Variants in SEC14L5 observed in about 807,000 individuals in gnomAD.
The protein encoded by SEC14L5 is SEC14-like protein 5.
SEC14L5 carries 96 observed loss-of-function variants against 84.6 expected under a neutral mutation model. The ratio of observed to expected loss-of-function variants is 1.13; its 90% CI spans 0.96 to 1.34. SEC14L5 has a LOEUF of 1.34. Among genes scored for constraint, SEC14L5 ranks in the 40% most tolerant of loss-of-function variants. SEC14L5 has a pLI of 0.00. For missense variants in SEC14L5, 1,224 were observed against 942.5 expected (o/e 1.30, Z -3.91); for synonymous variants, 546 against 383.4 (o/e 1.42, Z -4.95).
intron 4 of SEC14L5, 51 bp downstream of exon 4, chr16:4,988,331 G>T: frequency 6.3e-7 from 1 of 1,594,056 alleles, no homozygotes; most frequent in Non-Finnish European, 8.5e-7. Flanking sequence ...CCTGCGCCCG[G>T]CACCCACCTG....
In SEC14L5 at chr16:5,017,295, C is replaced by G. The variant is rs867051520; in HGVS notation, c.*2325C>G. On this transcript the variant is annotated 3_prime_UTR_variant, in exon 16 of 16. Transcript: ENST00000251170. ...GCTCTCTCCCTAGGGAAAACCAGCC[C>G]AAACTGGCTTAAGCAACAAAGCAAA... is the stretch of plus-strand genomic sequence containing the variant. The G allele has an allele frequency of 6.6e-6, 1 of 152,300 alleles. No homozygotes were observed. The highest frequency in any genetic ancestry group is 6.5e-5 in the Admixed American group (1 of 15,284). The allele number at this position is 152,300 out of a possible 1,614,324, so 9.4% of individuals were successfully genotyped here. A position where few individuals can be genotyped will look rare whatever the true frequency, so the allele number is the denominator to read the frequency against.
At chr16:5,010,381 C>G (rs1408734465) in intron 14 of SEC14L5, among the ~76,000 whole-genome samples, 1 of 151,676 alleles carries the variant, frequency 6.6e-6, no homozygotes, top group African/African-American at 2.4e-5. Flanking sequence ...AAAAACAAAA[C>G]TGTAGTCTTG....
intron 11 of SEC14L5, among the ~76,000 whole-genome samples, chr16:5,004,767 CCTT>C (rs1406320534): frequency 2.6e-5 from 4 of 152,214 alleles, no homozygotes; most frequent in Non-Finnish European, 5.9e-5. Flanking sequence ...AGGGCTCCTT[CCTT>C]CTTTCTCTCT....
chr16:4,991,790 C>A, intron 5 of SEC14L5, 48 bp from the exon 6 acceptor site: 2 of 1,373,182 alleles, frequency 1.5e-6, no homozygotes, highest in Non-Finnish European at 2.0e-6. Flanking sequence ...TGTGACCCCC[C>A]TCCATCCTGC....
In SEC14L5 at chr16:5,000,147, C is replaced by T. The variant is rs1051785244; in HGVS notation, c.971-508C>T. On this transcript the variant is annotated intron_variant, in intron 8 of 15. Transcript: ENST00000251170. ...TTCTACTAAAAATACGAAAATTAGC[C>T]GGGTGCGGTGGTGGGCGCCTGTAAT... Among the ~76,000 whole-genome samples, 177 of 151,856 alleles carry T rather than the reference C, an allele frequency of 1.2e-3. 4 individuals carry two copies. Among genetic ancestry groups the T allele is most frequent in the Admixed American group, 9.8e-3 (149 of 15,258 alleles).
chr16:4,968,095 T>G (rs1955229058), intron 2 of SEC14L5, among the ~76,000 whole-genome samples: 1 of 151,022 alleles, frequency 6.6e-6, no homozygotes. Context: ...CATGGCTCAC[T>G]GCAGCCTTGA....
chr16:4,986,374 A>T (rs534111001), intron 2 of SEC14L5, among the ~76,000 whole-genome samples: 4 of 152,180 alleles, frequency 2.6e-5, no homozygotes, highest in Non-Finnish European at 5.9e-5. Context: ...TCCTGATCTC[A>T]GGTGATCCAC....
Position 5,000,668 on chromosome 16 carries a change from C to T in SEC14L5, c.984C>T (p.Leu328=). Reference sequence around the variant, plus strand: ...CCATCCACAAAGATGGCCGCCCCCTCTACATCCTCCGCCTGGGCCAGATGG... The same window carrying T: ...CCATCCACAAAGATGGCCGCCCCCTTTACATCCTCCGCCTGGGCCAGATGG... ...WHYQDIDGRP[L]YILRLGQMDT... The change falls in exon 9 of 16, where the codon CTC becomes CTT. Residue 328 remains leucine (L), a synonymous_variant. Transcript: ENST00000251170. 1 of 1,551,638 alleles carries T rather than the reference C, an allele frequency of 6.4e-7. No individual in the cohort carries two copies. Among genetic ancestry groups the T allele is most frequent in the Non-Finnish European group, 8.7e-7 (1 of 1,147,172 alleles).
chr16:4,971,489 A>T (rs1955279365), intron 2 of SEC14L5, among the ~76,000 whole-genome samples: 1 of 152,154 alleles, frequency 6.6e-6, no homozygotes, highest in Non-Finnish European at 1.5e-5. Context: ...ACAACAACCA[A>T]AAAAACTGGC....
At chr16:5,007,617 T>G in intron 13 of SEC14L5, 131 bp downstream of exon 13, 3 of 880,848 alleles carry the variant, frequency 3.4e-6, no homozygotes, top group Non-Finnish European at 3.3e-6. Flanking sequence ...TTTTTTTTTT[T>G]TTTTTTGGGA....
intron 2 of SEC14L5, among the ~76,000 whole-genome samples, chr16:4,976,562 T>C (rs1250623571): frequency 6.6e-6 from 1 of 152,204 alleles, no homozygotes; most frequent in African/African-American, 2.4e-5. Flanking sequence ...CAGCCTGGAA[T>C]TGGGCAAGTC....
intron 2 of SEC14L5, among the ~76,000 whole-genome samples, chr16:4,983,614 C>T (rs1258413161): frequency 2.0e-5 from 3 of 151,282 alleles, no homozygotes; most frequent in Admixed American, 1.3e-4. Flanking sequence ...CGGTGGCTCA[C>T]GCTTGTAATC....
intron 2 of SEC14L5, among the ~76,000 whole-genome samples, chr16:4,984,932 C>G (rs1370508502): frequency 6.6e-6 from 1 of 152,160 alleles, no homozygotes; most frequent in Non-Finnish European, 1.5e-5. Context: ...ATTCTAGATG[C>G]AAATCCCCCA....
At chr16:4,986,066 G>A (rs906270461) in intron 2 of SEC14L5, among the ~76,000 whole-genome samples, 4 of 151,512 alleles carry the variant, frequency 2.6e-5, no homozygotes, top group Non-Finnish European at 5.9e-5. Context: ...ACCGTATTAC[G>A]TTCATATGAC....
chr16:5,008,412 T>C lies in SEC14L5; in HGVS notation c.1573-9T>C, dbSNP rs1955758115. ...CCGTGACTCTCAGACCTCGCCTGTC[T>C]CCACACAGGTGGCCGTGGAGATCCT... On this transcript the variant is annotated splice_polypyrimidine_tract_variant and intron_variant, in intron 13 of 15. Transcript: ENST00000251170. The C allele has an allele frequency of 6.2e-7, 1 of 1,604,456 alleles. No homozygotes were observed. The highest frequency in any genetic ancestry group is 1.7e-5 in the Admixed American group (1 of 58,648).
intron 2 of SEC14L5, among the ~76,000 whole-genome samples, chr16:4,983,625 C>T (rs1955452394): frequency 6.6e-6 from 1 of 150,956 alleles, no homozygotes; most frequent in Non-Finnish European, 1.5e-5. Context: ...GCTTGTAATC[C>T]CAGCACTTTG....
Position 4,959,343 on chromosome 16 carries a change from C to T in SEC14L5, c.20C>T (p.Ser7Phe). 6.2e-7 allele frequency: 1 copy of T among 1,613,854 alleles called. No homozygotes were observed. Among genetic ancestry groups the T allele is most frequent in the Admixed American group, 1.7e-5 (1 of 60,004 alleles). Residue 7 changes from serine (S) to phenylalanine (F), a missense_variant, in exon 2 of 16, where the codon TCT (serine) becomes TTT (phenylalanine). Coordinates refer to ENST00000251170, the MANE Select transcript of SEC14L5 (RefSeq NM_014692.2). Reference protein sequence around the residue: MVQRYQSPVRVYKYPFE... With the variant: MVQRYQFPVRVYKYPFE... ...GTGAACATGGTGCAAAGATACCAGT[C>T]TCCTGTCCGAGTCTACAAGTACCCG...
At chr16:4,998,547 G>A (rs1358062246) in intron 8 of SEC14L5, among the ~76,000 whole-genome samples, 1 of 148,754 alleles carries the variant, frequency 6.7e-6, no homozygotes, top group African/African-American at 2.5e-5. Context: ...GACCATCCCG[G>A]CTAAAACGGT....
chr16:5,008,708 C>CTG, intron 14 of SEC14L5, 60 bp downstream of exon 14: 1 of 1,451,508 alleles, frequency 6.9e-7, no homozygotes, highest in Non-Finnish European at 9.5e-7. Context: ...CCACTGCGTG[C>CTG]CAGGCTTCTG....
Sources: allele counts gnomAD v4.1 joint callset (sites outside exome capture counted in the v4.1 genomes callset), GRCh38; gene constraint gnomAD v4.1.1; transcripts MANE v1.5; gene names NCBI Gene and HGNC (gene_info 2026-07-23, HGNC 2026-07-21).